Variants in ADGRV1 observed in about 807,000 individuals in gnomAD.
ADGRV1 encodes G-protein coupled receptor 98.
Under a neutral mutation model 596.2 loss-of-function variants are expected in ADGRV1, and 359 were observed. That is an observed-to-expected ratio of 0.60 (90% confidence interval 0.55 to 0.66). The LOEUF is 0.66. Ranked by LOEUF, ADGRV1 falls within the 30% of genes least tolerant of loss-of-function variation. The probability of loss-of-function intolerance (pLI) is 0.00; values close to 1 mark genes in which losing one functional copy is unlikely to be tolerated. For missense variants in ADGRV1, 7,274 were observed against 7,575.6 expected (o/e 0.96, Z 1.48); for synonymous variants, 2,681 against 2,679.2 (o/e 1.00, Z -0.02).
chr5:91,025,643 C>T (rs1783964871), intron 85 of ADGRV1, among the ~76,000 whole-genome samples: 1 of 152,138 alleles, frequency 6.6e-6, no homozygotes, highest in Non-Finnish European at 1.5e-5. Context: ...GTCTCCCCAC[C>T]CTTCTGCTGC....
chr5:90,818,906 G>A (rs957018211), intron 75 of ADGRV1, among the ~76,000 whole-genome samples: 25 of 149,928 alleles, frequency 1.7e-4, no homozygotes, highest in South Asian at 1.3e-3. Flanking sequence ...CCCGGCTTTG[G>A]TATCAGAATG....
Position 90,675,430 on chromosome 5 carries a change from T to G in ADGRV1, c.5298T>G (p.Ser1766Arg). ...EFRTVSLTAF[S>R]PEDYQNVAGT... is the part of the protein sequence containing the mutation. ...GAACAGTGTCCTTGACAGCATTCAGTCCTGAGGATTACCAGGTAATTTACT... is the reference window on the plus strand; with the variant it reads ...GAACAGTGTCCTTGACAGCATTCAGGCCTGAGGATTACCAGGTAATTTACT... Residue 1766 changes from serine (S) to arginine (R), a missense_variant, in exon 24 of 90, where the codon AGT (serine) becomes AGG (arginine). Around this residue, in one of 5 missense-constraint regions of ADGRV1, gnomAD observed 3,643 missense variants for 3,809.2 expected, o/e 0.96. Transcript: ENST00000405460. The G allele has an allele frequency of 1.9e-6, 3 of 1,613,348 alleles. No homozygotes were observed. Among genetic ancestry groups the G allele is most frequent in the Non-Finnish European group, 2.5e-6 (3 of 1,179,602 alleles).
At chr5:90,980,479 A>G (rs1410315031) in intron 84 of ADGRV1, among the ~76,000 whole-genome samples, 2 of 152,236 alleles carry the variant, frequency 1.3e-5, no homozygotes, top group South Asian at 2.1e-4. Flanking sequence ...AACTTTGGGC[A>G]TAATAACATT....
At chr5:91,018,173 C>A (rs1783329522) in intron 85 of ADGRV1, among the ~76,000 whole-genome samples, 1 of 151,958 alleles carries the variant, frequency 6.6e-6, no homozygotes, top group Non-Finnish European at 1.5e-5. Flanking sequence ...AGCATCTTTT[C>A]TCTCTTCTGA....
At chr5:90,937,699 C>T (rs1256003770) in intron 83 of ADGRV1, among the ~76,000 whole-genome samples, 1 of 152,174 alleles carries the variant, frequency 6.6e-6, no homozygotes, top group African/African-American at 2.4e-5. Flanking sequence ...CCCCATGATC[C>T]GCCCGCCTTG....
chr5:91,001,188 C>T (rs1781828619), intron 85 of ADGRV1, among the ~76,000 whole-genome samples: 3 of 152,092 alleles, frequency 2.0e-5, no homozygotes, highest in African/African-American at 4.8e-5. Flanking sequence ...AGTGATCCTC[C>T]TGCCTCAGCT....
At chr5:90,787,771 A>G (rs968937404) in intron 67 of ADGRV1, among the ~76,000 whole-genome samples, 15 of 151,818 alleles carry the variant, frequency 9.9e-5, no homozygotes, top group Admixed American at 6.6e-4. Context: ...TTGTAATTTT[A>G]GTAGAGACGG....
chr5:90,698,737 G>A (rs1433300945), intron 34 of ADGRV1, among the ~76,000 whole-genome samples: 1 of 150,790 alleles, frequency 6.6e-6, no homozygotes, highest in Non-Finnish European at 1.5e-5. Flanking sequence ...GCAAATTATC[G>A]GAATGGAACC....
At chr5:90,818,942 G>C (rs1763190938) in intron 75 of ADGRV1, among the ~76,000 whole-genome samples, 1 of 151,348 alleles carries the variant, frequency 6.6e-6, no homozygotes, top group South Asian at 2.1e-4. Context: ...AATGAGTTAG[G>C]GAGGATTCCC....
At chr5:90,848,612 T>G (rs1466645616) in intron 78 of ADGRV1, 25 bp from the exon 79 acceptor site, 1 of 1,348,902 alleles carries the variant, frequency 7.4e-7, no homozygotes, top group African/African-American at 1.5e-5. Flanking sequence ...ATAGATATAT[T>G]TTTATACTTA....
intron 83 of ADGRV1, among the ~76,000 whole-genome samples, chr5:90,923,964 C>T (rs966166195): frequency 6.6e-6 from 1 of 151,854 alleles, no homozygotes; most frequent in Non-Finnish European, 1.5e-5. Context: ...ATGAACTCCT[C>T]ATTTTTTATG....
rs558187990 is a variant in ADGRV1 at position 90,937,704 on chromosome 5, G to A, written c.17857-27711G>A. On this transcript the variant is annotated intron_variant, in intron 83 of 89. Coordinates refer to ENST00000405460, the MANE Select transcript of ADGRV1 (RefSeq NM_032119.4). ...GATCTTCTGACCCCATGATCCGCCC[G>A]CCTTGGCCTCCCAAAGTGGCGGGAT... is the stretch of plus-strand genomic sequence containing the variant. Among the ~76,000 whole-genome samples the A allele has an allele frequency of 2.8e-4, 42 of 152,258 alleles. No homozygotes were observed. In the East Asian group the frequency reaches 5.0e-3, roughly 18 times the overall value.
At chr5:91,149,410 C>T (rs1795828091) in intron 87 of ADGRV1, among the ~76,000 whole-genome samples, 2 of 152,168 alleles carry the variant, frequency 1.3e-5, no homozygotes, top group South Asian at 4.1e-4. Context: ...TCTGGCATTT[C>T]CCCTCCTTGC....
intron 57 of ADGRV1, 95 bp from the exon 58 acceptor site, chr5:90,759,314 A>C (rs943067531): frequency 1.1e-6 from 1 of 938,738 alleles, no homozygotes; most frequent in East Asian, 2.7e-5. Flanking sequence ...AATATATGTC[A>C]GCAAAAACTG....
chr5:90,594,307 G>T (rs1353867886), intron 1 of ADGRV1, among the ~76,000 whole-genome samples: 1 of 148,310 alleles, frequency 6.7e-6, no homozygotes, highest in Non-Finnish European at 1.5e-5. Flanking sequence ...GTGAGTTCTT[G>T]TGAGTTGTGA....
intron 21 of ADGRV1, among the ~76,000 whole-genome samples, chr5:90,664,835 T>A (rs1406238346): frequency 2.1e-5 from 3 of 140,804 alleles, no homozygotes; most frequent in African/African-American, 8.2e-5. Context: ...GGTTGTTGAA[T>A]GTTGTCAAAG....
At chr5:90,694,897 C>T (rs1746992297) in intron 33 of ADGRV1, among the ~76,000 whole-genome samples, 196 bp downstream of exon 33, 1 of 152,102 alleles carries the variant, frequency 6.6e-6, no homozygotes, top group Admixed American at 6.6e-5. Context: ...CATGACTGTA[C>T]ATATATATCT....
intron 76 of ADGRV1, among the ~76,000 whole-genome samples, chr5:90,827,914 A>C (rs1195379687): frequency 2.0e-5 from 3 of 152,346 alleles, no homozygotes; most frequent in Admixed American, 2.0e-4. Context: ...ATGGTCACAA[A>C]ACATAATGGT....
At chr5:91,059,694 A>C (rs1341828079) in intron 85 of ADGRV1, among the ~76,000 whole-genome samples, 2 of 152,198 alleles carry the variant, frequency 1.3e-5, no homozygotes, top group Admixed American at 6.5e-5. Flanking sequence ...AGTGGATAAA[A>C]TTTTAGCCTG....
Sources: gnomAD v4.1 joint callset for allele counts (sites outside exome capture counted in the v4.1 genomes callset) on GRCh38, gnomAD v4.1.1 for gene constraint, gnomAD v4.1.1 regional missense constraint, MANE v1.5 for transcripts, NCBI Gene and HGNC (gene_info 2026-07-23, HGNC 2026-07-21) for gene names.